Variants in EMCN observed in about 807,000 individuals in gnomAD.
EMCN encodes MUC-14.
In EMCN, 37 loss-of-function variants were observed where a neutral mutation model predicts 38.4. The ratio of observed to expected loss-of-function variants is 0.96; its 90% CI spans 0.74 to 1.27. The LOEUF (loss-of-function observed/expected upper bound fraction) is 1.27, where lower values mean the gene tolerates loss of function less well. Among genes scored for constraint, EMCN ranks in the 50% most tolerant of loss-of-function variants. EMCN has a pLI of 0.00. For missense variants in EMCN, 318 were observed against 302.8 expected, an observed-to-expected ratio of 1.05 and a Z score of -0.37; for synonymous variants, 95 against 100.8, an observed-to-expected ratio of 0.94 and a Z score of 0.35.
At chr4:100,458,795 T>G (rs1171947242) in intron 4 of EMCN, among the ~76,000 whole-genome samples, 1 of 152,184 alleles carries the variant, frequency 6.6e-6, no homozygotes, top group East Asian at 1.9e-4. Flanking sequence ...AGCTGGTGCT[T>G]ACTCCTCAAA....
At chr4:100,434,382 G>GC (rs1401685868) in intron 5 of EMCN, among the ~76,000 whole-genome samples, 3 of 2,294 alleles carry the variant, frequency 1.3e-3, no homozygotes, top group Non-Finnish European at 3.3e-3. Context: ...AGCCTACCAA[G>GC]CAAAAAAAAA....
At chr4:100,466,049 G>A (rs1728306540) in intron 3 of EMCN, among the ~76,000 whole-genome samples, 1 of 151,988 alleles carries the variant, frequency 6.6e-6, no homozygotes, top group South Asian at 2.1e-4. Flanking sequence ...GGGATAATTG[G>A]ACATAAATGG....
chr4:100,423,310 A>T lies in EMCN; in HGVS notation c.508+2T>A, dbSNP rs1307882951. 2 of 1,606,376 alleles carry T rather than the reference A, an allele frequency of 1.2e-6. No individual in the cohort carries two copies. Among genetic ancestry groups the T allele is most frequent in the African/African-American group, 2.7e-5 (2 of 74,690 alleles). Reference sequence around the variant, plus strand: ...TTCCACTCAGGCACACAGATATCATACCTTGAGACTGTGAGGTGTTTTCTG... The same window carrying T: ...TTCCACTCAGGCACACAGATATCATTCCTTGAGACTGTGAGGTGTTTTCTG... On this transcript the variant is annotated splice_donor_variant, in intron 6 of 11. Coordinates refer to ENST00000296420, the MANE Select transcript of EMCN (RefSeq NM_016242.4). LOFTEE classifies it high-confidence loss of function.
At chr4:100,446,660 AGTT>A in intron 5 of EMCN, among the ~76,000 whole-genome samples, 1 of 152,112 alleles carries the variant, frequency 6.6e-6, no homozygotes, top group South Asian at 2.1e-4. Flanking sequence ...TGTCATGGGG[AGTT>A]GTTGTACCAA....
intron 11 of EMCN, among the ~76,000 whole-genome samples, chr4:100,402,700 G>A (rs2110204232): frequency 6.6e-6 from 1 of 152,230 alleles, no homozygotes; most frequent in East Asian, 1.9e-4. Flanking sequence ...TCTGAGGCTA[G>A]GAATATTTTT....
chr4:100,434,896 A>G (rs1432413589), intron 5 of EMCN, among the ~76,000 whole-genome samples: 5 of 152,192 alleles, frequency 3.3e-5, no homozygotes, highest in Non-Finnish European at 7.3e-5. Context: ...AGAGCCATAT[A>G]TGACAAACCC....
intron 2 of EMCN, among the ~76,000 whole-genome samples, chr4:100,478,282 A>G (rs1323583356): frequency 1.3e-5 from 2 of 152,076 alleles, no homozygotes; most frequent in Non-Finnish European, 2.9e-5. Context: ...AGTAGCTCTC[A>G]TTAGAGACCC....
At chr4:100,487,044 C>G in intron 1 of EMCN, 1 of 983,030 alleles carries the variant, frequency 1.0e-6, no homozygotes, top group Non-Finnish European at 1.2e-6. Flanking sequence ...GTAAAAAAGG[C>G]AAAGGTTACA....
intron 5 of EMCN, among the ~76,000 whole-genome samples, chr4:100,444,598 A>G (rs1727615616): frequency 6.6e-6 from 1 of 152,076 alleles, no homozygotes. Context: ...GAATGTGGGG[A>G]GTGGAGTAGC....
At chr4:100,474,256 A>G (rs1212465506) in intron 3 of EMCN, among the ~76,000 whole-genome samples, 1 of 152,204 alleles carries the variant, frequency 6.6e-6, no homozygotes, top group Non-Finnish European at 1.5e-5. Context: ...TACCAAACAC[A>G]TGAAATATGT....
In EMCN at chr4:100,410,711, T is replaced by G. The variant is rs146884940; in HGVS notation, c.752-356A>C. ...AGCTGGCTGTGCCTAAGCAAGCCCA[T>G]GTCATGTGTTTAAAGTGCCATTTTA... is the stretch of plus-strand genomic sequence containing the variant. On this transcript the variant is annotated intron_variant, in intron 10 of 11. Coordinates refer to ENST00000296420, the MANE Select transcript of EMCN (RefSeq NM_016242.4). Among the ~76,000 whole-genome samples, 555 of 152,292 alleles carry G rather than the reference T, an allele frequency of 3.6e-3. 7 individuals are homozygous for G. The highest frequency in any genetic ancestry group is 0.013 in the African/African-American group (524 of 41,570).
chr4:100,457,752 G>T (rs975062329), intron 4 of EMCN, among the ~76,000 whole-genome samples: 1 of 152,130 alleles, frequency 6.6e-6, no homozygotes, highest in Non-Finnish European at 1.5e-5. Context: ...ATATCAGTCT[G>T]CAGTGTTCTT....
At chr4:100,442,500 T>A (rs747956201) in intron 5 of EMCN, among the ~76,000 whole-genome samples, 33 of 152,152 alleles carry the variant, frequency 2.2e-4, no homozygotes, top group Admixed American at 6.5e-4. Context: ...TCTTTGTCTC[T>A]TTTTCTTTTG....
At chr4:100,482,479 C>T (rs1438832600) in intron 1 of EMCN, among the ~76,000 whole-genome samples, 1 of 152,110 alleles carries the variant, frequency 6.6e-6, no homozygotes, top group Non-Finnish European at 1.5e-5. Context: ...ATGCTAGGAG[C>T]TAGGGCTGGA....
chr4:100,434,308 C>T (rs1423053361), intron 5 of EMCN, among the ~76,000 whole-genome samples: 1 of 147,088 alleles, frequency 6.8e-6, no homozygotes, highest in African/African-American at 2.5e-5. Context: ...AAAGACTGAA[C>T]CAGGAAAAAA....
chr4:100,509,576 C>T (rs1436026263), intron 1 of EMCN, among the ~76,000 whole-genome samples: 2 of 152,148 alleles, frequency 1.3e-5, no homozygotes, highest in African/African-American at 4.8e-5. Flanking sequence ...TATGTTCTCA[C>T]ACTTGCTGAA....
chr4:100,487,171 G>T (rs1370652385), intron 1 of EMCN: 1 of 283,816 alleles, frequency 3.5e-6, no homozygotes, highest in Non-Finnish European at 5.3e-6. Context: ...TCTGAATCTA[G>T]AAAGGAACTA....
At chr4:100,398,832 T>C (rs967717108) in intron 11 of EMCN, among the ~76,000 whole-genome samples, 1 of 152,178 alleles carries the variant, frequency 6.6e-6, no homozygotes, top group African/African-American at 2.4e-5. Flanking sequence ...CAGTGGAATA[T>C]TGCAATAGCC....
At chr4:100,476,210 C>T (rs962795416) in intron 2 of EMCN, among the ~76,000 whole-genome samples, 14 of 142,294 alleles carry the variant, frequency 9.8e-5, no homozygotes, top group Middle Eastern at 3.5e-3. Context: ...TCCTTTCTCC[C>T]TCCATCCCTC....
Sources: allele counts gnomAD v4.1 joint callset (sites outside exome capture counted in the v4.1 genomes callset), GRCh38; gene constraint gnomAD v4.1.1; transcripts MANE v1.5; gene names NCBI Gene and HGNC (gene_info 2026-07-23, HGNC 2026-07-21).